SLC9B1: variants seen among roughly 807,000 people sequenced by gnomAD.
SLC9B1 encodes the protein solute carrier family 9 member B1.
Under a neutral mutation model 51.7 loss-of-function variants are expected in SLC9B1, and 32 were observed. That is an observed-to-expected ratio of 0.62 (90% CI 0.47 to 0.83). The LOEUF is 0.83. Ranked by LOEUF, SLC9B1 falls within the 40% of genes least tolerant of loss-of-function variation. The probability of loss-of-function intolerance (pLI) is 0.00; values close to 1 mark genes in which losing one functional copy is unlikely to be tolerated. For missense variants in SLC9B1, 406 were observed against 613.2 expected (o/e 0.66, Z 3.57); for synonymous variants, 145 against 212.7 (o/e 0.68, Z 2.77).
intron 7 of SLC9B1, among the ~76,000 whole-genome samples, chr4:102,915,862 A>G (rs1735552865): frequency 6.6e-6 from 1 of 152,206 alleles, no homozygotes; most frequent in Non-Finnish European, 1.5e-5. Context: ...TTGTCAATTT[A>G]AAATAGATTA....
intron 3 of SLC9B1, among the ~76,000 whole-genome samples, chr4:102,989,554 A>G (rs1008665999): frequency 6.6e-6 from 1 of 151,978 alleles, no homozygotes; most frequent in African/African-American, 2.4e-5. Context: ...TTCTAATCCC[A>G]AAAATTTAAC....
intron 9 of SLC9B1, among the ~76,000 whole-genome samples, chr4:102,907,834 T>A (rs1371893438): frequency 1.3e-5 from 2 of 152,284 alleles, no homozygotes; most frequent in Non-Finnish European, 2.9e-5. Context: ...ATGTTACTAT[T>A]CTTTACAGCA....
At chr4:102,973,683 C>T (rs933221698) in intron 3 of SLC9B1, among the ~76,000 whole-genome samples, 6 of 152,020 alleles carry the variant, frequency 3.9e-5, no homozygotes, top group Non-Finnish European at 7.4e-5. Context: ...GTGGCTTATA[C>T]TCTGTAACTA....
exon 12 of SLC9B1, chr4:102,885,137 G>A (rs1185888440): frequency 9.1e-7 from 1 of 1,098,448 alleles, no homozygotes; most frequent in Non-Finnish European, 1.4e-6. Context: ...CAAAGAATAA[G>A]CTCAAGGATG....
chr4:102,984,288 A>G (rs1739504498), intron 3 of SLC9B1, among the ~76,000 whole-genome samples: 1 of 151,778 alleles, frequency 6.6e-6, no homozygotes, highest in African/African-American at 2.4e-5. Flanking sequence ...GCTAATTTTT[A>G]TATTTCTTTG....
chr4:102,917,735 G>A (rs939216427), intron 7 of SLC9B1, among the ~76,000 whole-genome samples: 1 of 152,042 alleles, frequency 6.6e-6, no homozygotes, highest in African/African-American at 2.4e-5. Context: ...GGAAAAAGAA[G>A]AACTCAATCC....
At chr4:102,980,366 C>T (rs575164811) in intron 3 of SLC9B1, among the ~76,000 whole-genome samples, 1 of 152,164 alleles carries the variant, frequency 6.6e-6, no homozygotes, top group Non-Finnish European at 1.5e-5. Context: ...CAATGATAGA[C>T]TGCATAAAGA....
At chr4:102,977,999 C>T (rs1022105624) in intron 3 of SLC9B1, among the ~76,000 whole-genome samples, 2 of 152,138 alleles carry the variant, frequency 1.3e-5, no homozygotes, top group African/African-American at 4.8e-5. Context: ...TGATGTTCCC[C>T]TTCCTGTGTC....
intron 3 of SLC9B1, among the ~76,000 whole-genome samples, chr4:102,972,681 A>G (rs1738826088): frequency 6.6e-6 from 1 of 152,238 alleles, no homozygotes; most frequent in Non-Finnish European, 1.5e-5. Context: ...TAAGTATTCA[A>G]AAACTGAATT....
At chr4:102,917,800 T>C (rs6843192) in intron 7 of SLC9B1, among the ~76,000 whole-genome samples, 2 of 152,206 alleles carry the variant, frequency 1.3e-5, no homozygotes, top group Middle Eastern at 3.4e-3. Flanking sequence ...CCGGGTGCAA[T>C]GGCTCACGAC....
Position 102,997,466 on chromosome 4 carries a change from T to C in SLC9B1, c.-1-5754A>G, listed in dbSNP as rs78953400. Among the ~76,000 whole-genome samples, 15 of 152,344 alleles carry C rather than the reference T, an allele frequency of 9.8e-5. No homozygotes were observed. In the East Asian group the frequency reaches 2.9e-3, roughly 29 times the overall value. ...AAATTATAACTTTAAAAATTCATTA[T>C]TTGTTTCTTGCTGGCATACAGAAAT... is the stretch of plus-strand genomic sequence containing the variant. On this transcript the variant is annotated intron_variant, in intron 1 of 11. Transcript: ENST00000296422.
intron 3 of SLC9B1, among the ~76,000 whole-genome samples, chr4:102,970,719 C>G (rs1451463777): frequency 6.6e-6 from 1 of 152,160 alleles, no homozygotes; most frequent in African/African-American, 2.4e-5. Flanking sequence ...CAAGACCCAT[C>G]AGTGTGCTGT....
At chr4:103,013,124 A>G (rs573087139) in intron 1 of SLC9B1, among the ~76,000 whole-genome samples, 2 of 152,358 alleles carry the variant, frequency 1.3e-5, no homozygotes, top group East Asian at 3.9e-4. Flanking sequence ...AAACTTACCC[A>G]GAATCCAAGG....
intron 1 of SLC9B1, chr4:103,014,754 T>C (rs527266324): frequency 1.3e-5 from 2 of 152,236 alleles, no homozygotes; most frequent in Non-Finnish European, 2.9e-5. Context: ...AGCAACTTTT[T>C]CTTTGATATC....
At chr4:102,945,409 T>C in intron 5 of SLC9B1, 89 bp from the exon 6 acceptor site, 1 of 1,384,772 alleles carries the variant, frequency 7.2e-7, no homozygotes, top group East Asian at 2.4e-5. Flanking sequence ...AAGTCTTTTT[T>C]CATAAGAAGC....
chr4:102,976,675 A>G (rs1739085747), intron 3 of SLC9B1, among the ~76,000 whole-genome samples: 1 of 152,226 alleles, frequency 6.6e-6, no homozygotes, highest in African/African-American at 2.4e-5. Flanking sequence ...GGACATGGTA[A>G]GTTAAGGGAT....
At chr4:102,928,374 A>G (rs970569664) in intron 7 of SLC9B1, among the ~76,000 whole-genome samples, 36 of 152,304 alleles carry the variant, frequency 2.4e-4, no homozygotes, top group African/African-American at 8.2e-4. Context: ...TCAGTTCCCA[A>G]CAAGTTCTTT....
chr4:102,914,810 G>C lies in SLC9B1; in HGVS notation c.830-3273C>G, dbSNP rs577709516. 3.3e-5 allele frequency among the ~76,000 whole-genome samples: 5 copies of C among 152,222 alleles called. No homozygotes were observed. In the South Asian group the frequency reaches 6.2e-4, roughly 19 times the overall value. On this transcript the variant is annotated intron_variant, in intron 7 of 11. Transcript: ENST00000296422. The stretch of plus-strand genomic sequence containing the variant: ...GCCAGAAGAAGAGAAAAATAAAGGG[G>C]CAGAGAGCCAGTTAAAAAAATGACC...
intron 3 of SLC9B1, among the ~76,000 whole-genome samples, chr4:102,960,094 T>C (rs1264133763): frequency 6.6e-6 from 1 of 151,820 alleles, no homozygotes; most frequent in East Asian, 1.9e-4. Flanking sequence ...GAATAATAAA[T>C]AATATGTACA....
Sources: allele counts gnomAD v4.1 joint callset (sites outside exome capture counted in the v4.1 genomes callset), GRCh38; gene constraint gnomAD v4.1.1; transcripts MANE v1.5; gene names NCBI Gene and HGNC (gene_info 2026-07-23, HGNC 2026-07-21).